EIF3H: variants seen among roughly 807,000 people sequenced by gnomAD.
EIF3H encodes the protein eukaryotic translation initiation factor 3 subunit H.
A neutral mutation model predicts 44.2 loss-of-function variants in EIF3H; 26 were observed. The ratio of observed to expected loss-of-function variants is 0.59; its 90% confidence interval spans 0.43 to 0.82. The LOEUF is 0.82. Ranked by LOEUF, EIF3H falls within the 40% of genes least tolerant of loss-of-function variation. EIF3H has a pLI of 0.00. For missense variants in EIF3H, 359 were observed against 432.8 expected (o/e 0.83, Z 1.51); for synonymous variants, 166 against 151.9 (o/e 1.09, Z -0.68).
At chr8:116,689,800 A>T (rs1428909899) in intron 2 of EIF3H, among the ~76,000 whole-genome samples, 1 of 152,198 alleles carries the variant, frequency 6.6e-6, no homozygotes, top group Non-Finnish European at 1.5e-5. Context: ...TAAAAACTCA[A>T]ATGTAGTCAG....
chr8:116,705,498 C>G lies in EIF3H; in HGVS notation c.289+20518G>C, dbSNP rs996448960. Among the ~76,000 whole-genome samples the G allele has an allele frequency of 9.3e-4, 134 of 144,000 alleles. 3 individuals are homozygous for G. The highest frequency in any genetic ancestry group is 6.0e-4 in the East Asian group (3 of 4,978). The allele number at this position is 144,000 out of a possible 152,430, so 94.5% of individuals were successfully genotyped here. Reference sequence around the variant, plus strand: ...ATGTGGGTAACATGTTACACCCCCCCCCACCACCAACACCCCAGGAGAATG... The same window carrying G: ...ATGTGGGTAACATGTTACACCCCCCGCCACCACCAACACCCCAGGAGAATG... On this transcript the variant is annotated intron_variant, in intron 2 of 7. Coordinates refer to ENST00000521861, the MANE Select transcript of EIF3H (RefSeq NM_003756.3).
At chr8:116,727,545 A>G (rs961498353) in intron 1 of EIF3H, among the ~76,000 whole-genome samples, 5 of 152,162 alleles carry the variant, frequency 3.3e-5, no homozygotes, top group Non-Finnish European at 7.3e-5. Context: ...GAATACTGTT[A>G]CCAACTATTT....
intron 1 of EIF3H, 53 bp from the exon 2 acceptor site, chr8:116,726,225 T>C: frequency 6.6e-7 from 1 of 1,523,374 alleles, no homozygotes; most frequent in South Asian, 1.3e-5. Flanking sequence ...GTTTATTATT[T>C]CCTTTATTTC....
rs148153750 is a variant in EIF3H at position 116,649,894 on chromosome 8, T to C, written c.708-968A>G. Among the ~76,000 whole-genome samples the C allele has an allele frequency of 4.4e-3, 672 of 152,326 alleles. 2 individuals are homozygous for C. Among genetic ancestry groups the C allele is most frequent in the Middle Eastern group, 6.8e-3 (2 of 294 alleles). ...GACTGAAAGTGAAAGATGAGTCAGC[T>C]ATGCCAAAAATATTGTAGGCAAAAG... On this transcript the variant is annotated intron_variant, in intron 5 of 7. Coordinates refer to ENST00000521861, the MANE Select transcript of EIF3H (RefSeq NM_003756.3).
At chr8:116,720,549 T>C (rs1814726563) in intron 2 of EIF3H, among the ~76,000 whole-genome samples, 2 of 152,044 alleles carry the variant, frequency 1.3e-5, no homozygotes, top group African/African-American at 4.8e-5. Context: ...GTACCAAGAG[T>C]TGGGTGCTGC....
At chr8:116,735,482 A>T (rs545508886) in intron 1 of EIF3H, among the ~76,000 whole-genome samples, 1 of 152,224 alleles carries the variant, frequency 6.6e-6, no homozygotes, top group Non-Finnish European at 1.5e-5. Context: ...AGCATTATTC[A>T]TAACAGCTAA....
chr8:116,653,508 G>T (rs1453795392), intron 5 of EIF3H, among the ~76,000 whole-genome samples: 1 of 152,096 alleles, frequency 6.6e-6, no homozygotes, highest in Non-Finnish European at 1.5e-5. Flanking sequence ...TTATTGTTAG[G>T]AGTTTCAGTA....
In EIF3H at chr8:116,655,935, G is replaced by C; in HGVS notation, c.628C>G (p.Leu210Val). Residue 210 changes from leucine (L) to valine (V), a missense_variant, in exon 5 of 8, where the codon CTG becomes GTG. Transcript: ENST00000521861. ...EVPIVIKNSH[L>V]INVLMWELEK... The stretch of plus-strand genomic sequence containing the variant: ...AGTTCCCACATTAGGACATTGATCA[G>C]ATGTGAATTTTTAATTACAATCGGC... 1 of 1,613,630 alleles carries C rather than the reference G, an allele frequency of 6.2e-7. No individual in the cohort carries two copies. The highest frequency in any genetic ancestry group is 8.5e-7 in the Non-Finnish European group (1 of 1,179,628).
chr8:116,692,290 T>A (rs1381183769), intron 2 of EIF3H, among the ~76,000 whole-genome samples: 3 of 152,152 alleles, frequency 2.0e-5, no homozygotes, highest in African/African-American at 4.8e-5. Context: ...AAAAGAACCA[T>A]TACCATTCAC....
At chr8:116,757,910 C>T (rs1011507467), upstream of EIF3H, among the ~76,000 whole-genome samples, 15 of 152,062 alleles carry the variant, frequency 9.9e-5, no homozygotes, top group African/African-American at 3.1e-4. Context: ...TTAGTAAAGA[C>T]GGGGTTTTGC....
intron 2 of EIF3H, among the ~76,000 whole-genome samples, chr8:116,685,938 T>C (rs13266314): frequency 0.55 from 84,140 of 151,990 alleles, 24,999 homozygotes; most frequent in Non-Finnish European, 0.67. Flanking sequence ...CCTACAGTAA[T>C]AGAAATCAAC....
chr8:116,654,793 G>A (rs17743585), intron 5 of EIF3H, among the ~76,000 whole-genome samples: 17,536 of 152,124 alleles, frequency 0.12, 1,314 homozygotes, highest in East Asian at 0.42. Flanking sequence ...AATGGAAGGC[G>A]GCGCTTCAAC....
At chr8:116,726,950 T>C (rs1814853155) in intron 1 of EIF3H, among the ~76,000 whole-genome samples, 1 of 152,182 alleles carries the variant, frequency 6.6e-6, no homozygotes, top group South Asian at 2.1e-4. Flanking sequence ...ATATTAATAA[T>C]AATAGCATTA....
chr8:116,656,949 A>G (rs1813501133), intron 4 of EIF3H, among the ~76,000 whole-genome samples: 1 of 152,170 alleles, frequency 6.6e-6, no homozygotes, highest in Non-Finnish European at 1.5e-5. Context: ...CCTTTATTCA[A>G]TCATTTATTT....
chr8:116,677,901 T>C (rs1230884684), intron 2 of EIF3H, among the ~76,000 whole-genome samples: 1 of 152,208 alleles, frequency 6.6e-6, no homozygotes, highest in Non-Finnish European at 1.5e-5. Flanking sequence ...CTATGTATAC[T>C]AATAAAAAAA....
intron 2 of EIF3H, among the ~76,000 whole-genome samples, chr8:116,701,059 A>G (rs1272521465): frequency 2.0e-5 from 3 of 152,222 alleles, no homozygotes; most frequent in Non-Finnish European, 4.4e-5. Context: ...AAATTTAGGA[A>G]AGAATATATT....
At chr8:116,684,269 T>C (rs1300504393) in intron 2 of EIF3H, among the ~76,000 whole-genome samples, 1 of 152,184 alleles carries the variant, frequency 6.6e-6, no homozygotes, top group Non-Finnish European at 1.5e-5. Context: ...TCTTCCCAGA[T>C]GGAAGTCCTG....
chr8:116,661,914 C>T (rs1456156034), intron 2 of EIF3H, among the ~76,000 whole-genome samples: 2 of 152,184 alleles, frequency 1.3e-5, no homozygotes, highest in African/African-American at 4.8e-5. Context: ...GGAGATACCA[C>T]TCCTCCAACA....
intron 1 of EIF3H, among the ~76,000 whole-genome samples, chr8:116,754,297 G>C (rs187693242): frequency 3.3e-5 from 5 of 152,160 alleles, no homozygotes; most frequent in African/African-American, 1.2e-4. Flanking sequence ...GTTTTTAGTA[G>C]AGACGGGGTT....
Sources: gnomAD v4.1 joint callset for allele counts (sites outside exome capture counted in the v4.1 genomes callset) on GRCh38, gnomAD v4.1.1 for gene constraint, MANE v1.5 for transcripts, NCBI Gene and HGNC (gene_info 2026-07-23, HGNC 2026-07-21) for gene names.